The following TCP11L2 variants were observed in gnomAD, a reference collection of about 807,000 sequenced individuals.
TCP11L2 encodes the protein T-complex protein 11-like protein 2.
A neutral mutation model predicts 50.7 loss-of-function variants in TCP11L2; 39 were observed. The observed-to-expected ratio is 0.77, with a 90% confidence interval of 0.60 to 1.01. The LOEUF is 1.01. TCP11L2 is among the 50% of genes least tolerant of loss of function. The probability of loss-of-function intolerance (pLI) is 0.00; values close to 1 mark genes in which losing one functional copy is unlikely to be tolerated. For synonymous variants in TCP11L2, 192 were observed against 219.3 expected, an observed-to-expected ratio of 0.88 and a Z score of 1.10; for missense variants, 612 against 614.7, an observed-to-expected ratio of 1.00 and a Z score of 0.05.
rs114477458 is a variant in TCP11L2 at position 106,309,015 on chromosome 12, C to T, written c.-35-2026C>T. ...CGCTGTCATGGAGATACAGGAGACG[C>T]GCTGCAGACATACCAAGAGGAGTGC... is the stretch of plus-strand genomic sequence containing the variant. On this transcript the variant is annotated intron_variant, in intron 1 of 9. Coordinates refer to ENST00000299045, the MANE Select transcript of TCP11L2 (RefSeq NM_152772.3). Among the ~76,000 whole-genome samples the T allele has an allele frequency of 5.9e-4, 90 of 152,326 alleles. 1 individual carries two copies. Among genetic ancestry groups the T allele is most frequent in the African/African-American group, 2.0e-3 (82 of 41,576 alleles).
At chr12:106,341,068 G>T (rs1293100268) in intron 9 of TCP11L2, 70 bp downstream of exon 9, 69 of 1,358,630 alleles carry the variant, frequency 5.1e-5, no homozygotes, top group Non-Finnish European at 6.6e-5. Context: ...CTAACATTAA[G>T]TCAGTCAAAT....
At chr12:106,338,772 T>C (rs1241989418) in intron 8 of TCP11L2, among the ~76,000 whole-genome samples, 2 of 152,238 alleles carry the variant, frequency 1.3e-5, no homozygotes, top group Admixed American at 1.3e-4. Context: ...CTAATTTACA[T>C]TCCCACCAGC....
chr12:106,305,093 T>C (rs2034575331), intron 1 of TCP11L2, among the ~76,000 whole-genome samples: 1 of 152,118 alleles, frequency 6.6e-6, no homozygotes, highest in African/African-American at 2.4e-5. Flanking sequence ...GTAGAGAGCA[T>C]GGGTTTTAGG....
chr12:106,306,218 T>A (rs985068113), intron 1 of TCP11L2, among the ~76,000 whole-genome samples: 1 of 152,246 alleles, frequency 6.6e-6, no homozygotes. Flanking sequence ...GTTCAGCCTG[T>A]CATCTTCTCT....
chr12:106,302,572 C>A (rs2034457138), upstream of TCP11L2, among the ~76,000 whole-genome samples: 1 of 151,714 alleles, frequency 6.6e-6, no homozygotes, highest in Non-Finnish European at 1.5e-5. Context: ...CGTGCCCTCT[C>A]GCATCCGAAA....
chr12:106,297,985 G>T (rs551271411), upstream of TCP11L2, among the ~76,000 whole-genome samples: 2 of 152,316 alleles, frequency 1.3e-5, no homozygotes, highest in South Asian at 4.1e-4. Context: ...AAGAGGAAGG[G>T]GCCCAGGGTG....
At chr12:106,330,032 T>C in intron 6 of TCP11L2, 2 of 985,488 alleles carry the variant, frequency 2.0e-6, no homozygotes, top group Non-Finnish European at 2.4e-6. Flanking sequence ...CAGGCTGTAT[T>C]TCTTGGCAAT....
intron 2 of TCP11L2, chr12:106,312,357 T>C (rs1210520929): frequency 7.3e-6 from 9 of 1,225,334 alleles, no homozygotes; most frequent in Non-Finnish European, 9.5e-6. Flanking sequence ...ACTGGATTAT[T>C]GGACCAAAGT....
At chr12:106,298,840 C>T (rs1465969890), upstream of TCP11L2, among the ~76,000 whole-genome samples, 1 of 147,496 alleles carries the variant, frequency 6.8e-6, no homozygotes, top group African/African-American at 2.5e-5. Flanking sequence ...TTTGTGAGAC[C>T]AGGTTTCACT....
At chr12:106,302,386 GCCCCCGCTCAGCCCCCGCTCAGCCC>G (rs1565832058), upstream of TCP11L2, among the ~76,000 whole-genome samples, 1 of 64,264 alleles carries the variant, frequency 1.6e-5, no homozygotes, top group Non-Finnish European at 2.9e-5. Context: ...CCCCCGCTCA[GCCCCCGCTCAGCCCCCGCTCAGCCC>G]CCGCTCCCCC....
rs1441621732 is a variant in TCP11L2 at position 106,323,663 on chromosome 12, G to A, written c.772+17G>A. 1.5e-6 allele frequency: 2 copies of A among 1,372,504 alleles called. No individual in the cohort carries two copies. The highest frequency in any genetic ancestry group is 4.6e-5 in the Admixed American group (2 of 43,668). The allele number at this position is 1,372,504 out of a possible 1,614,324, so 85.0% of individuals were successfully genotyped here. A position where few individuals can be genotyped will look rare whatever the true frequency, so the allele number is the denominator to read the frequency against. On this transcript the variant is annotated intron_variant, in intron 6 of 9. Coordinates refer to ENST00000299045, the MANE Select transcript of TCP11L2 (RefSeq NM_152772.3). ...AAACTCCAAGTGAGTATAATATAATGTGTATTTATATTGAAATTAGGTTAA... is the reference window on the plus strand; with the variant it reads ...AAACTCCAAGTGAGTATAATATAATATGTATTTATATTGAAATTAGGTTAA...
intron 6 of TCP11L2, among the ~76,000 whole-genome samples, chr12:106,327,489 T>G (rs1343194381): frequency 1.3e-5 from 2 of 152,222 alleles, no homozygotes; most frequent in African/African-American, 4.8e-5. Context: ...TTGCTTCTCT[T>G]TTTAAAACCC....
chr12:106,298,977 T>C (rs1028795607), upstream of TCP11L2, among the ~76,000 whole-genome samples: 2 of 151,976 alleles, frequency 1.3e-5, no homozygotes, highest in Non-Finnish European at 2.9e-5. Flanking sequence ...ACACCATGCC[T>C]GGCTAATTTT....
chr12:106,340,773 T>C (rs2036069884), intron 8 of TCP11L2, 53 bp from the exon 9 acceptor site: 4 of 1,467,142 alleles, frequency 2.7e-6, no homozygotes, highest in Non-Finnish European at 3.7e-6. Flanking sequence ...TTAAAAATAA[T>C]AACTTGATGA....
At chr12:106,302,407 A>G (rs1181440863), upstream of TCP11L2, among the ~76,000 whole-genome samples, 10 of 46,084 alleles carry the variant, frequency 2.2e-4, 1 homozygote, top group East Asian at 4.9e-4. Flanking sequence ...GCCCCCGCTC[A>G]GCCCCCGCTC....
chr12:106,343,158 G>A (rs536296517), intron 9 of TCP11L2, among the ~76,000 whole-genome samples: 6 of 152,284 alleles, frequency 3.9e-5, no homozygotes, highest in African/African-American at 1.4e-4. Context: ...AAACACTCCG[G>A]TCACTTTAGC....
chr12:106,342,617 A>G (rs927369754), intron 9 of TCP11L2, among the ~76,000 whole-genome samples: 7 of 152,204 alleles, frequency 4.6e-5, no homozygotes, highest in East Asian at 1.9e-4. Flanking sequence ...GTTCACTGCT[A>G]TATTCTTGTG....
chr12:106,339,148 A>G (rs1167773553), intron 8 of TCP11L2, among the ~76,000 whole-genome samples: 1 of 152,110 alleles, frequency 6.6e-6, no homozygotes, highest in Non-Finnish European at 1.5e-5. Context: ...CCGTCTCAAA[A>G]GAAAAGAAAA....
chr12:106,329,320 C>T (rs1316460410), intron 6 of TCP11L2: 1 of 1,536,070 alleles, frequency 6.5e-7, no homozygotes, highest in Non-Finnish European at 8.7e-7. Flanking sequence ...ATTCTTAATC[C>T]TGTCCCCAGG....
Sources: allele counts gnomAD v4.1 joint callset (sites outside exome capture counted in the v4.1 genomes callset), GRCh38; gene constraint gnomAD v4.1.1; transcripts MANE v1.5; gene names NCBI Gene and HGNC (gene_info 2026-07-23, HGNC 2026-07-21).